Variants in COL22A1 observed in about 807,000 individuals in gnomAD.
COL22A1 encodes collagen alpha-1(XXII) chain.
In COL22A1, 221 loss-of-function variants were observed where a neutral mutation model predicts 248.9. The observed-to-expected ratio is 0.89, with a 90% CI of 0.80 to 0.99. COL22A1 has a LOEUF of 0.99. Among genes scored for constraint, COL22A1 ranks in the 50% least tolerant of loss-of-function variants. COL22A1 has a pLI of 0.00. For missense variants in COL22A1, 2,240 were observed against 2,179.0 expected, an observed-to-expected ratio of 1.03 and a Z score of -0.56; for synonymous variants, 891 against 793.4, an observed-to-expected ratio of 1.12 and a Z score of -2.07.
At chr8:138,800,581 A>C (rs1022764952) in intron 11 of COL22A1, among the ~76,000 whole-genome samples, 6 of 152,184 alleles carry the variant, frequency 3.9e-5, no homozygotes, top group African/African-American at 1.4e-4. Context: ...CAAAATTTGA[A>C]TGTAGGCTGC....
At chr8:138,731,371 G>A (rs1235372979) in intron 23 of COL22A1, among the ~76,000 whole-genome samples, 1 of 152,122 alleles carries the variant, frequency 6.6e-6, no homozygotes, top group Non-Finnish European at 1.5e-5. Context: ...CTTGCAAGAT[G>A]AGAGACCATG....
intron 18 of COL22A1, among the ~76,000 whole-genome samples, chr8:138,759,706 C>T (rs1490319493): frequency 6.6e-6 from 1 of 151,748 alleles, no homozygotes; most frequent in Non-Finnish European, 1.5e-5. Flanking sequence ...AGCAAATTTA[C>T]TTCATTAAAC....
intron 22 of COL22A1, among the ~76,000 whole-genome samples, chr8:138,738,942 G>T (rs1384728058): frequency 3.3e-5 from 5 of 152,122 alleles, no homozygotes; most frequent in Non-Finnish European, 7.3e-5. Flanking sequence ...GATTAAGGCT[G>T]TTCAAGTTGC....
intron 30 of COL22A1, among the ~76,000 whole-genome samples, chr8:138,710,252 A>T (rs1174843995): frequency 6.6e-6 from 1 of 152,184 alleles, no homozygotes; most frequent in East Asian, 1.9e-4. Context: ...CACGCAAGAC[A>T]GTCCATGGTG....
chr8:138,898,417 C>T (rs1334388185), intron 1 of COL22A1, among the ~76,000 whole-genome samples: 1 of 146,198 alleles, frequency 6.8e-6, no homozygotes, highest in Non-Finnish European at 1.5e-5. Flanking sequence ...ATACCCTCCG[C>T]CACCACTCCC....
chr8:138,822,375 T>C (rs756172904), intron 6 of COL22A1, among the ~76,000 whole-genome samples: 1 of 152,190 alleles, frequency 6.6e-6, no homozygotes, highest in Non-Finnish European at 1.5e-5. Context: ...AATGAATAAA[T>C]GATTATGTTC....
At chr8:138,703,257 C>T (rs952303920) in intron 31 of COL22A1, 49 bp downstream of exon 31, 17 of 1,496,790 alleles carry the variant, frequency 1.1e-5, no homozygotes, top group South Asian at 1.1e-5. Context: ...GAGTACGAAT[C>T]CCAATATAGG....
rs371733795 is a variant in COL22A1 at position 138,821,402 on chromosome 8, G to T, written c.979C>A (p.Arg327=). The T allele has an allele frequency of 1.2e-6, 2 of 1,612,184 alleles. No individual in the cohort carries two copies. The highest frequency in any genetic ancestry group is 2.2e-5 in the East Asian group (1 of 44,798). ...ACTGCCTTGTTTTCACCATCCAGCCGGATGGAGACCTGGGGAGGAAAGGAC... is the reference window on the plus strand; with the variant it reads ...ACTGCCTTGTTTTCACCATCCAGCCTGATGGAGACCTGGGGAGGAAAGGAC... ...DQYSIPQVSI[R]LDGENKAVEY... The change falls in exon 7 of 65, where the codon CGG becomes AGG. Residue 327 remains arginine, a synonymous_variant. Coordinates refer to ENST00000303045, the MANE Select transcript of COL22A1 (RefSeq NM_152888.3).
chr8:138,764,099 C>T (rs1833729434), intron 16 of COL22A1, among the ~76,000 whole-genome samples: 1 of 152,182 alleles, frequency 6.6e-6, no homozygotes, highest in Admixed American at 6.5e-5. Flanking sequence ...GAGGTTGGTT[C>T]CTCTCTTTCA....
At chr8:138,608,764 T>C (rs1394232660) in intron 56 of COL22A1, among the ~76,000 whole-genome samples, 3 of 152,192 alleles carry the variant, frequency 2.0e-5, no homozygotes, top group Admixed American at 2.0e-4. Context: ...CAGGCTGTGT[T>C]CGTCTCTTCC....
intron 3 of COL22A1, among the ~76,000 whole-genome samples, chr8:138,873,861 G>A (rs1033912485): frequency 6.6e-6 from 1 of 152,182 alleles, no homozygotes; most frequent in Admixed American, 6.5e-5. Flanking sequence ...GTTATTGAAT[G>A]AATGAGTGAG....
chr8:138,864,862 G>T (rs1473346527), intron 3 of COL22A1, among the ~76,000 whole-genome samples: 1 of 152,152 alleles, frequency 6.6e-6, no homozygotes, highest in Non-Finnish European at 1.5e-5. Context: ...CCCAGATTTG[G>T]GGGTCCAAGA....
In COL22A1 at chr8:138,733,876, C is replaced by T. The variant is rs151054020; in HGVS notation, c.2139+3648G>A. 4.7e-3 allele frequency among the ~76,000 whole-genome samples: 721 copies of T among 152,274 alleles called. 1 individual carries two copies. Among genetic ancestry groups the T allele is most frequent in the African/African-American group, 0.016 (651 of 41,550 alleles). On this transcript the variant is annotated intron_variant, in intron 23 of 64. Transcript: ENST00000303045. ...ACCCTGATCTGCAAATTAGCCCATC[C>T]CTAGTCCACCTTCTTCAATCAGGCC...
At chr8:138,685,366 T>C (rs2073138362) in intron 37 of COL22A1, 54 bp from the exon 38 acceptor site, 2 of 1,459,092 alleles carry the variant, frequency 1.4e-6, no homozygotes, top group African/African-American at 2.8e-5. Flanking sequence ...CACGAAGCTT[T>C]TCTATGGGGG....
At chr8:138,813,075 C>T (rs573059873) in intron 7 of COL22A1, 56 bp from the exon 8 acceptor site, 12 of 1,413,130 alleles carry the variant, frequency 8.5e-6, no homozygotes, top group African/African-American at 5.6e-5. Context: ...AACCCAGAAA[C>T]CTCCGTGGTT....
intron 51 of COL22A1, among the ~76,000 whole-genome samples, chr8:138,625,382 G>A (rs1322528851): frequency 6.6e-6 from 1 of 152,112 alleles, no homozygotes; most frequent in Non-Finnish European, 1.5e-5. Flanking sequence ...GGCAGGGTTG[G>A]GGGACTGTAG....
At chr8:138,692,342 G>A (rs1346986011) in intron 35 of COL22A1, among the ~76,000 whole-genome samples, 1 of 83,090 alleles carries the variant, frequency 1.2e-5, no homozygotes, top group African/African-American at 4.6e-5. Context: ...TTGTGGATGT[G>A]TGTATGTGTG....
intron 1 of COL22A1, among the ~76,000 whole-genome samples, chr8:138,885,786 C>G (rs1824620699): frequency 6.6e-6 from 1 of 152,134 alleles, no homozygotes; most frequent in African/African-American, 2.4e-5. Flanking sequence ...TGGTTTCGAA[C>G]TCCCGACCTC....
intron 42 of COL22A1, among the ~76,000 whole-genome samples, chr8:138,662,408 C>G (rs1336365780): frequency 6.6e-6 from 1 of 152,142 alleles, no homozygotes; most frequent in Non-Finnish European, 1.5e-5. Context: ...CCCTGGCTCA[C>G]TCCTTTCATG....
Sources: gnomAD v4.1 joint callset for allele counts (sites outside exome capture counted in the v4.1 genomes callset) on GRCh38, gnomAD v4.1.1 for gene constraint, MANE v1.5 for transcripts, NCBI Gene and HGNC (gene_info 2026-07-23, HGNC 2026-07-21) for gene names.